SHISA9: variants seen among roughly 807,000 people sequenced by gnomAD.
The protein encoded by SHISA9 is protein shisa-9.
A neutral mutation model predicts 38.0 loss-of-function variants in SHISA9; 13 were observed. The observed-to-expected ratio is 0.34, with a 90% CI of 0.22 to 0.54. The LOEUF (loss-of-function observed/expected upper bound fraction) is 0.54. Ranked by LOEUF, SHISA9 falls within the 20% of genes least tolerant of loss-of-function variation. The pLI is 0.91. For missense variants in SHISA9, 538 were observed against 575.8 expected, an observed-to-expected ratio of 0.93 and a Z score of 0.67; for synonymous variants, 275 against 242.0, an observed-to-expected ratio of 1.14 and a Z score of -1.27.
chr16:13,286,878 T>G, the SHISA9 span, among the ~76,000 whole-genome samples: 2 of 152,228 alleles, frequency 1.3e-5, no homozygotes, highest in African/African-American at 4.8e-5. Flanking sequence ...GGGGAATTTT[T>G]TTGTTTTTGT....
At chr16:12,985,902 A>G (rs573931789) in intron 2 of SHISA9, among the ~76,000 whole-genome samples, 1 of 152,312 alleles carries the variant, frequency 6.6e-6, no homozygotes, top group Non-Finnish European at 1.5e-5. Flanking sequence ...GACAACTCTG[A>G]ACTCATTACT....
intron 2 of SHISA9, among the ~76,000 whole-genome samples, chr16:13,132,619 A>T (rs1368157698): frequency 6.6e-6 from 1 of 152,100 alleles, no homozygotes; most frequent in Non-Finnish European, 1.5e-5. Context: ...TAGAGGCAAA[A>T]CTGCCCCCAT....
intron 2 of SHISA9, among the ~76,000 whole-genome samples, chr16:13,083,267 T>A (rs1299843250): frequency 6.6e-6 from 1 of 152,228 alleles, no homozygotes; most frequent in Admixed American, 6.5e-5. Context: ...AGATTCAGGC[T>A]TGAACAAGTT....
At chr16:13,399,805 G>A in the SHISA9 span, among the ~76,000 whole-genome samples, 1 of 152,212 alleles carries the variant, frequency 6.6e-6, no homozygotes, top group Non-Finnish European at 1.5e-5. Context: ...TGGGTCCTGA[G>A]AATCTGCATT....
chr16:13,491,161 A>T, the SHISA9 span, among the ~76,000 whole-genome samples: 2 of 152,178 alleles, frequency 1.3e-5, no homozygotes, highest in Non-Finnish European at 2.9e-5. Context: ...ATAAACGGTG[A>T]AGTCAGAATT....
chr16:13,216,626 C>T (rs2051171962), intron 4 of SHISA9, among the ~76,000 whole-genome samples: 1 of 152,098 alleles, frequency 6.6e-6, no homozygotes, highest in Non-Finnish European at 1.5e-5. Flanking sequence ...TGCTGGGAAC[C>T]TACTTTGGGA....
chr16:13,031,111 G>C (rs563324460), intron 2 of SHISA9, among the ~76,000 whole-genome samples: 1 of 152,162 alleles, frequency 6.6e-6, no homozygotes, highest in Non-Finnish European at 1.5e-5. Flanking sequence ...ACCAGGTCCC[G>C]CGGGGCACTG....
At chr16:13,189,520 A>G (rs1462633002) in intron 2 of SHISA9, among the ~76,000 whole-genome samples, 3 of 152,224 alleles carry the variant, frequency 2.0e-5, no homozygotes, top group Admixed American at 6.5e-5. Flanking sequence ...TGTTATACTT[A>G]GAGATATGAG....
intron 2 of SHISA9, among the ~76,000 whole-genome samples, chr16:13,188,847 G>C (rs982294967): frequency 6.7e-6 from 1 of 149,808 alleles, no homozygotes; most frequent in Admixed American, 6.7e-5. Flanking sequence ...CTATCACCCA[G>C]TACCCCCAGA....
intron 2 of SHISA9, among the ~76,000 whole-genome samples, chr16:12,994,816 C>T (rs1023367577): frequency 2.0e-5 from 3 of 152,244 alleles, no homozygotes; most frequent in African/African-American, 7.2e-5. Flanking sequence ...TTGGCATAGA[C>T]AGCTGGGTGG....
chr16:13,449,700 C>T, the SHISA9 span, among the ~76,000 whole-genome samples: 1 of 152,206 alleles, frequency 6.6e-6, no homozygotes, highest in Non-Finnish European at 1.5e-5. Flanking sequence ...TCACGGCAAA[C>T]CCCATTTCCA....
the SHISA9 span, among the ~76,000 whole-genome samples, chr16:13,423,966 C>A: frequency 0.71 from 107,677 of 152,084 alleles, 38,310 homozygotes; most frequent in East Asian, 0.81. Flanking sequence ...AGGAAGAGCT[C>A]TGTCCCTTTT....
At chr16:13,197,124 C>CACACACACACACACACAG (rs2050952694) in intron 2 of SHISA9, among the ~76,000 whole-genome samples, 2 of 143,148 alleles carry the variant, frequency 1.4e-5, no homozygotes, top group Admixed American at 1.4e-4. Flanking sequence ...CACACACACA[C>CACACACACACACACACAG]ACACACACAC....
the SHISA9 span, among the ~76,000 whole-genome samples, chr16:13,413,914 G>A: frequency 1.3e-5 from 2 of 152,100 alleles, no homozygotes; most frequent in African/African-American, 2.4e-5. Context: ...TAAGTTAAAC[G>A]TGGGTCAGTT....
At chr16:12,947,899 G>A (rs1285967976) in intron 2 of SHISA9, among the ~76,000 whole-genome samples, 2 of 152,188 alleles carry the variant, frequency 1.3e-5, no homozygotes, top group Non-Finnish European at 2.9e-5. Flanking sequence ...CCGGTTGTGG[G>A]TTCTGTTGCC....
intron 2 of SHISA9, among the ~76,000 whole-genome samples, chr16:13,190,635 C>G (rs1169013080): frequency 6.6e-6 from 1 of 152,184 alleles, no homozygotes; most frequent in Non-Finnish European, 1.5e-5. Flanking sequence ...GCAACTAGTT[C>G]TTCATGTATC....
the SHISA9 span, among the ~76,000 whole-genome samples, chr16:13,316,469 A>G: frequency 1.3e-5 from 2 of 152,198 alleles, no homozygotes; most frequent in African/African-American, 4.8e-5. Flanking sequence ...TGAGGGATCT[A>G]CTTTGAGCCC....
chr16:12,946,462 G>C (rs774285102), intron 2 of SHISA9, among the ~76,000 whole-genome samples: 6 of 152,324 alleles, frequency 3.9e-5, no homozygotes, highest in Non-Finnish European at 8.8e-5. Context: ...ATTTATCGAG[G>C]AGATTCTCTT....
the SHISA9 span, among the ~76,000 whole-genome samples, chr16:13,446,480 T>A: frequency 6.6e-6 from 1 of 152,126 alleles, no homozygotes; most frequent in Non-Finnish European, 1.5e-5. Flanking sequence ...GTGAGGCCAA[T>A]AAAGCAGGGT....
Sources: gnomAD v4.1 joint callset for allele counts (sites outside exome capture counted in the v4.1 genomes callset) on GRCh38, gnomAD v4.1.1 for gene constraint, MANE v1.5 for transcripts, NCBI Gene and HGNC (gene_info 2026-07-23, HGNC 2026-07-21) for gene names.